The following NME7 variants were observed in gnomAD, a reference collection of about 807,000 sequenced individuals.
The protein encoded by NME7 is nucleoside diphosphate kinase 7.
NME7 carries 41 observed loss-of-function variants against 49.1 expected under a neutral mutation model. The observed-to-expected ratio is 0.83, with a 90% CI of 0.65 to 1.08. NME7 has a LOEUF of 1.08. NME7 is among the 50% of genes least tolerant of loss of function. The probability of loss-of-function intolerance (pLI) is 0.00; values close to 1 mark genes in which losing one functional copy is unlikely to be tolerated. For missense variants in NME7, 423 were observed against 463.4 expected (o/e 0.91, Z 0.80); for synonymous variants, 139 against 150.6 (o/e 0.92, Z 0.56).
chr1:169,226,174 G>T (rs1454026770), intron 10 of NME7, among the ~76,000 whole-genome samples: 2 of 152,220 alleles, frequency 1.3e-5, no homozygotes, highest in African/African-American at 2.4e-5. Context: ...AGGCAATGAA[G>T]AAATGAATTT....
intron 11 of NME7, among the ~76,000 whole-genome samples, chr1:169,133,935 G>T (rs1053841465): frequency 1.3e-5 from 2 of 152,198 alleles, no homozygotes; most frequent in Non-Finnish European, 2.9e-5. Context: ...GCTGCTATAA[G>T]GTCACGACCT....
chr1:169,261,786 C>A (rs1031697928), intron 7 of NME7, among the ~76,000 whole-genome samples: 1 of 133,598 alleles, frequency 7.5e-6, no homozygotes, highest in Admixed American at 7.4e-5. Flanking sequence ...TATTCTTGGG[C>A]TCTACTCCAG....
intron 10 of NME7, among the ~76,000 whole-genome samples, chr1:169,178,147 T>TAA (rs1365477925): frequency 6.6e-6 from 1 of 152,076 alleles, no homozygotes; most frequent in Admixed American, 6.5e-5. Context: ...CCTCTCCTCT[T>TAA]TCTTAATAAT....
At chr1:169,179,990 TGTCA>T (rs1659879124) in intron 10 of NME7, among the ~76,000 whole-genome samples, 1 of 147,570 alleles carries the variant, frequency 6.8e-6, no homozygotes, top group Non-Finnish European at 1.5e-5. Flanking sequence ...AAAAAAGGCA[TGTCA>T]GTCAAAGAAA....
chr1:169,275,822 T>C lies in NME7; in HGVS notation c.754+11481A>G, dbSNP rs1472947305. ...ATTCAGTGTGATACTGGCTGTGGGT[T>C]TGTCATAGATAGCTCTTATTATTTT... is the stretch of plus-strand genomic sequence containing the variant. On this transcript the variant is annotated intron_variant, in intron 7 of 11. Coordinates refer to ENST00000367811, the MANE Select transcript of NME7 (RefSeq NM_013330.5). Among the ~76,000 whole-genome samples the C allele has an allele frequency of 1.5e-3, 195 of 133,456 alleles. 47 individuals are homozygous for C. The highest frequency in any genetic ancestry group is 7.6e-3 in the Middle Eastern group (2 of 262). 87.6% of individuals were successfully genotyped at this position (133,456 alleles called of 152,430 possible). A position where few individuals can be genotyped will look rare whatever the true frequency, so the allele number is the denominator to read the frequency against.
At chr1:169,224,086 C>T (rs750130411) in intron 10 of NME7, among the ~76,000 whole-genome samples, 2 of 152,202 alleles carry the variant, frequency 1.3e-5, no homozygotes, top group Non-Finnish European at 2.9e-5. Context: ...ATGCTCTTCT[C>T]ATCTCACACA....
chr1:169,273,017 T>C (rs1208518682), intron 7 of NME7, among the ~76,000 whole-genome samples: 1 of 134,050 alleles, frequency 7.5e-6, no homozygotes, highest in Admixed American at 7.3e-5. Flanking sequence ...TATCTCATTG[T>C]GGTTTTGACT....
At chr1:169,140,760 A>C (rs893486939) in intron 11 of NME7, among the ~76,000 whole-genome samples, 7 of 151,970 alleles carry the variant, frequency 4.6e-5, no homozygotes, top group African/African-American at 1.7e-4. Flanking sequence ...AATAAAAGAA[A>C]TTGTAGATAT....
chr1:169,309,936 G>T, intron 4 of NME7, 34 bp downstream of exon 4: 1 of 1,171,082 alleles, frequency 8.5e-7, no homozygotes, highest in South Asian at 1.3e-5. Context: ...AAAGGAATCA[G>T]ACATTACATA....
At chr1:169,152,964 A>ATT (rs59637629) in intron 11 of NME7, among the ~76,000 whole-genome samples, 3 of 150,262 alleles carry the variant, frequency 2.0e-5, no homozygotes, top group African/African-American at 7.3e-5. Flanking sequence ...CATCATGGTG[A>ATT]TTTTTTTTTT....
intron 3 of NME7, chr1:169,310,705 A>G (rs1007825159): frequency 1.4e-4 from 21 of 152,224 alleles, no homozygotes; most frequent in African/African-American, 4.6e-4. Flanking sequence ...CAGAATTAAG[A>G]GAAATTTGGA....
intron 11 of NME7, among the ~76,000 whole-genome samples, chr1:169,164,299 T>G (rs1659341496): frequency 6.6e-6 from 1 of 152,120 alleles, no homozygotes; most frequent in African/African-American, 2.4e-5. Flanking sequence ...CTTCCTTCCT[T>G]TCTTTCAAAA....
chr1:169,344,014 C>G (rs1020874586), intron 1 of NME7, among the ~76,000 whole-genome samples: 5 of 152,172 alleles, frequency 3.3e-5, no homozygotes, highest in African/African-American at 1.2e-4. Context: ...AGAATCACCA[C>G]CTTAACCACA....
intron 6 of NME7, among the ~76,000 whole-genome samples, chr1:169,291,377 G>A (rs1173226667): frequency 6.6e-6 from 1 of 152,024 alleles, no homozygotes; most frequent in Non-Finnish European, 1.5e-5. Flanking sequence ...GGATGAAGCT[G>A]GAAACCATCA....
At chr1:169,243,798 T>C (rs889078636) in intron 7 of NME7, among the ~76,000 whole-genome samples, 5 of 152,182 alleles carry the variant, frequency 3.3e-5, no homozygotes, top group Non-Finnish European at 7.4e-5. Flanking sequence ...GGTATTTATA[T>C]TGTAGCAGCT....
In NME7 at chr1:169,323,248, C is replaced by A; in HGVS notation, c.147G>T (p.Arg49=). 6.2e-7 allele frequency: 1 copy of A among 1,603,874 alleles called. No homozygotes were observed. The highest frequency in any genetic ancestry group is 8.5e-7 in the Non-Finnish European group (1 of 1,175,522). ...CCAAGTGCAGGTTATCATATTTGGTCCGCTTTAAAAAGGTGCGATGATTCT... is the reference window on the plus strand; with the variant it reads ...CCAAGTGCAGGTTATCATATTTGGTACGCTTTAAAAAGGTGCGATGATTCT... The part of the protein sequence containing the change: ...DVKNHRTFLK[R]TKYDNLHLED... Residue 49 remains arginine, a synonymous_variant, in exon 3 of 12, where the codon CGG becomes CGT. Transcript: ENST00000367811.
intron 7 of NME7, among the ~76,000 whole-genome samples, chr1:169,275,437 C>T (rs1195901091): frequency 1.8e-5 from 2 of 112,208 alleles, no homozygotes; most frequent in Admixed American, 9.2e-5. Flanking sequence ...CGAGATCGCG[C>T]CACTGCACTC....
rs548124854 is a variant in NME7 at position 169,173,854 on chromosome 1, A to G, written c.991-4300T>C. Among the ~76,000 whole-genome samples the G allele has an allele frequency of 4.4e-3, 673 of 152,336 alleles. 4 individuals carry two copies. Among genetic ancestry groups the G allele is most frequent in the African/African-American group, 0.016 (651 of 41,582 alleles). The stretch of plus-strand genomic sequence containing the variant: ...GATCATAAAAGCAACACAAAGTACC[A>G]ACATATAATTTCATCTAATACCATA... On this transcript the variant is annotated intron_variant, in intron 10 of 11. Transcript: ENST00000367811.
At chr1:169,207,966 T>C (rs1176919540) in intron 10 of NME7, among the ~76,000 whole-genome samples, 2 of 152,130 alleles carry the variant, frequency 1.3e-5, no homozygotes, top group African/African-American at 4.8e-5. Flanking sequence ...GCAAGAATTA[T>C]GGTCAGGAAT....
Sources: gnomAD v4.1 joint callset for allele counts (sites outside exome capture counted in the v4.1 genomes callset) on GRCh38, gnomAD v4.1.1 for gene constraint, MANE v1.5 for transcripts, NCBI Gene and HGNC (gene_info 2026-07-23, HGNC 2026-07-21) for gene names.